ANKS1B: variants seen among roughly 807,000 people sequenced by gnomAD.
ANKS1B encodes ankyrin repeat and sterile alpha motif domain containing 1B, also known as ankyrin repeat and sterile alpha motif domain-containing protein 1B.
A neutral mutation model predicts 148.3 loss-of-function variants in ANKS1B; 36 were observed. The observed-to-expected ratio is 0.24, with a 90% confidence interval of 0.19 to 0.32. ANKS1B has a LOEUF of 0.32. ANKS1B is among the 10% of genes least tolerant of loss of function. The pLI is 1.00. For synonymous variants in ANKS1B, 542 were observed against 560.8 expected (o/e 0.97, Z 0.47); for missense variants, 1,157 against 1,542.6 (o/e 0.75, Z 4.19).
At chr12:98,817,561 C>T (rs2099151645) in intron 19 of ANKS1B, among the ~76,000 whole-genome samples, 1 of 152,236 alleles carries the variant, frequency 6.6e-6, no homozygotes, top group South Asian at 2.1e-4. Flanking sequence ...AACACTCCTC[C>T]TTCTCACCTC....
chr12:99,238,022 C>T (rs568858804), intron 14 of ANKS1B, among the ~76,000 whole-genome samples: 1 of 152,204 alleles, frequency 6.6e-6, no homozygotes, highest in Non-Finnish European at 1.5e-5. Flanking sequence ...AACTGAGGTA[C>T]CTGGTTCATC....
chr12:98,817,353 T>G lies in ANKS1B; in HGVS notation c.3067-9435A>C, dbSNP rs573772579. On this transcript the variant is annotated intron_variant, in intron 19 of 26. Transcript: ENST00000683438. ...ATGGAGTCAAACAAATTCAGTGCAG[T>G]CAAGGGGTAACGCACCAAACACCTT... Among the ~76,000 whole-genome samples, 13 of 152,318 alleles carry G rather than the reference T, an allele frequency of 8.5e-5. No individual in the cohort carries two copies. In the South Asian group the frequency reaches 2.7e-3, roughly 32 times the overall value.
chr12:99,636,640 T>G (rs1404726605), intron 9 of ANKS1B, among the ~76,000 whole-genome samples: 1 of 152,158 alleles, frequency 6.6e-6, no homozygotes. Flanking sequence ...AAAAGGACAC[T>G]TGTTTCTTGT....
rs545642533 is a variant in ANKS1B, at chr12:99,177,583, A to C, written c.2420-23188T>G. Among the ~76,000 whole-genome samples the C allele has an allele frequency of 1.0e-3, 154 of 152,350 alleles. 3 individuals are homozygous for C. The South Asian group carries it at 0.014, about 14-fold the overall frequency. Reference sequence around the variant, plus strand: ...ACAGCAGGGACACAAGCTTTTGCTTAAAACAGCAAGTTTACACTTATGTAT... The same window carrying C: ...ACAGCAGGGACACAAGCTTTTGCTTCAAACAGCAAGTTTACACTTATGTAT... On this transcript the variant is annotated intron_variant, in intron 14 of 26. Coordinates refer to ENST00000683438, the MANE Select transcript of ANKS1B (RefSeq NM_001352186.2).
chr12:99,242,257 AC>A (rs2089483149), intron 14 of ANKS1B, among the ~76,000 whole-genome samples: 1 of 152,200 alleles, frequency 6.6e-6, no homozygotes, highest in Admixed American at 6.5e-5. Context: ...TAATAGACAA[AC>A]AGAAAGTCAA....
chr12:98,853,845 G>A (rs2099546640), intron 17 of ANKS1B, among the ~76,000 whole-genome samples: 1 of 152,192 alleles, frequency 6.6e-6, no homozygotes, highest in Admixed American at 6.5e-5. Flanking sequence ...TAGGCATTCA[G>A]GGTCTAACTG....
intron 1 of ANKS1B, among the ~76,000 whole-genome samples, chr12:99,859,867 T>C (rs11110071): frequency 0.025 from 3,799 of 152,228 alleles, 70 homozygotes; most frequent in Middle Eastern, 0.075. Context: ...AGGCTGGTCT[T>C]GAACTCCTGA....
intron 14 of ANKS1B, among the ~76,000 whole-genome samples, chr12:99,204,079 C>A (rs563872609): frequency 1.9e-4 from 29 of 152,254 alleles, no homozygotes; most frequent in South Asian, 6.2e-4. Context: ...TTCTGTTAGT[C>A]ACTACATAAG....
chr12:99,239,333 A>G (rs2088739827), intron 14 of ANKS1B, among the ~76,000 whole-genome samples: 1 of 152,214 alleles, frequency 6.6e-6, no homozygotes, highest in Non-Finnish European at 1.5e-5. Context: ...GGAAGATCAA[A>G]TAAATGAAAT....
intron 15 of ANKS1B, among the ~76,000 whole-genome samples, chr12:99,090,894 T>C (rs2053768638): frequency 6.6e-6 from 1 of 152,134 alleles, no homozygotes; most frequent in South Asian, 2.1e-4. Context: ...GATCAGATAA[T>C]GGATGATGTG....
intron 12 of ANKS1B, among the ~76,000 whole-genome samples, chr12:99,322,785 T>C (rs1345873489): frequency 1.3e-5 from 2 of 152,222 alleles, no homozygotes; most frequent in Non-Finnish European, 2.9e-5. Flanking sequence ...AAGTCCTACA[T>C]GTGGGAGAGA....
intron 17 of ANKS1B, among the ~76,000 whole-genome samples, chr12:98,975,746 C>G (rs899190163): frequency 2.0e-4 from 30 of 151,886 alleles, no homozygotes; most frequent in Admixed American, 1.3e-4. Context: ...GCCTGGAGAA[C>G]AAATATTCAG....
chr12:99,450,216 C>G (rs2095709007), intron 10 of ANKS1B, among the ~76,000 whole-genome samples: 1 of 152,110 alleles, frequency 6.6e-6, no homozygotes. Flanking sequence ...GAGAAATTCC[C>G]CTTTACTCGG....
chr12:99,410,937 G>A (rs1279687421), intron 11 of ANKS1B, among the ~76,000 whole-genome samples: 1 of 152,224 alleles, frequency 6.6e-6, no homozygotes, highest in Non-Finnish European at 1.5e-5. Flanking sequence ...GATTCTTACA[G>A]GAATGCAGTG....
At chr12:98,748,916 A>T (rs2097984606) in intron 26 of ANKS1B, among the ~76,000 whole-genome samples, 1 of 152,192 alleles carries the variant, frequency 6.6e-6, no homozygotes, top group Non-Finnish European at 1.5e-5. Context: ...ACAATAGTCT[A>T]AGAGATAATC....
chr12:99,303,408 G>A (rs1246845198), intron 12 of ANKS1B, among the ~76,000 whole-genome samples: 3 of 152,052 alleles, frequency 2.0e-5, no homozygotes, highest in African/African-American at 4.8e-5. Flanking sequence ...AATCATTTAT[G>A]TATATCTATC....
intron 12 of ANKS1B, among the ~76,000 whole-genome samples, chr12:99,299,477 C>T (rs544174924): frequency 6.6e-5 from 10 of 152,298 alleles, no homozygotes; most frequent in East Asian, 1.9e-4. Context: ...ATTACTCTTA[C>T]GCTTTTTCTT....
At chr12:99,981,590 T>C (rs993198421) in intron 1 of ANKS1B, among the ~76,000 whole-genome samples, 1 of 152,144 alleles carries the variant, frequency 6.6e-6, no homozygotes, top group African/African-American at 2.4e-5. Context: ...ATAAAACAGA[T>C]TCAATGAATG....
rs953257 is a variant in ANKS1B at position 99,297,952 on chromosome 12, A to G, written c.1757-51088T>C. 5.0e-3 allele frequency among the ~76,000 whole-genome samples: 761 copies of G among 151,412 alleles called. 30 individuals carry two copies. In the East Asian group the frequency reaches 0.071, roughly 14 times the overall value. On this transcript the variant is annotated intron_variant, in intron 12 of 26. Transcript: ENST00000683438. The stretch of plus-strand genomic sequence containing the variant: ...AATTAATCCACGTTTTTATAATCCT[A>G]TGTGACATTAACATGTAAGGGGTGT...
Sources: gnomAD v4.1 joint callset for allele counts (sites outside exome capture counted in the v4.1 genomes callset) on GRCh38, gnomAD v4.1.1 for gene constraint, MANE v1.5 for transcripts, NCBI Gene and HGNC (gene_info 2026-07-23, HGNC 2026-07-21) for gene names.